CELF2: variants seen among roughly 807,000 people sequenced by gnomAD.
CELF2 encodes CUGBP Elav-like family member 2.
Under a neutral mutation model 62.6 loss-of-function variants are expected in CELF2, and 8 were observed. The observed-to-expected ratio is 0.13, with a 90% CI of 0.07 to 0.23. The LOEUF (loss-of-function observed/expected upper bound fraction) is 0.23, where lower values mean the gene tolerates loss of function less well. Ranked by LOEUF, CELF2 falls within the 10% of genes least tolerant of loss-of-function variation. CELF2 has a pLI of 1.00. For synonymous variants in CELF2, 258 were observed against 250.0 expected, an observed-to-expected ratio of 1.03 and a Z score of -0.30; for missense variants, 333 against 671.0, an observed-to-expected ratio of 0.50 and a Z score of 5.56.
intron 1 of CELF2, among the ~76,000 whole-genome samples, chr10:11,036,504 C>A (rs558952374): frequency 6.6e-6 from 1 of 152,338 alleles, no homozygotes; most frequent in East Asian, 1.9e-4. Context: ...GATTATTTCC[C>A]TAATCTTATC....
chr10:10,880,548 G>A (rs2061381101), intron 1 of CELF2, among the ~76,000 whole-genome samples: 1 of 152,078 alleles, frequency 6.6e-6, no homozygotes, highest in African/African-American at 2.4e-5. Flanking sequence ...GTGAGATTTG[G>A]GGTGTTACGG....
the CELF2 span, among the ~76,000 whole-genome samples, chr10:10,760,746 G>A: frequency 6.6e-6 from 1 of 152,150 alleles, no homozygotes; most frequent in African/African-American, 2.4e-5. Context: ...AAGGCCAACA[G>A]TGTTTCTCGC....
At chr10:10,561,559 G>A in the CELF2 span, among the ~76,000 whole-genome samples, 1 of 152,198 alleles carries the variant, frequency 6.6e-6, no homozygotes, top group Non-Finnish European at 1.5e-5. Context: ...GGATTTTGAT[G>A]AGTGCTAAGG....
chr10:10,506,853 C>G, the CELF2 span, among the ~76,000 whole-genome samples: 2,753 of 151,622 alleles, frequency 0.018, 44 homozygotes, highest in Non-Finnish European at 0.031. Flanking sequence ...TCAGTAAAGA[C>G]GGGGATTCCC....
At chr10:11,272,554 C>G (rs1051336205) in intron 7 of CELF2, among the ~76,000 whole-genome samples, 1 of 152,238 alleles carries the variant, frequency 6.6e-6, no homozygotes, top group Non-Finnish European at 1.5e-5. Context: ...CCACGGCTCA[C>G]AGAAATCTCC....
the CELF2 span, among the ~76,000 whole-genome samples, chr10:10,734,833 G>A: frequency 3.3e-5 from 5 of 152,094 alleles, no homozygotes; most frequent in East Asian, 5.8e-4. Context: ...CTGAAAGTCC[G>A]GCATCCTGAT....
At chr10:11,134,045 C>T (rs2060019952) in intron 1 of CELF2, among the ~76,000 whole-genome samples, 1 of 152,170 alleles carries the variant, frequency 6.6e-6, no homozygotes, top group Admixed American at 6.5e-5. Flanking sequence ...TTTGCATAGA[C>T]TGTAAATGAC....
chr10:10,662,296 G>A, the CELF2 span, among the ~76,000 whole-genome samples: 1 of 152,130 alleles, frequency 6.6e-6, no homozygotes, highest in Non-Finnish European at 1.5e-5. Flanking sequence ...CACCCTTCAG[G>A]GCTCAGATCC....
At chr10:11,251,565 C>T (rs1241257022) in intron 4 of CELF2, among the ~76,000 whole-genome samples, 1 of 152,128 alleles carries the variant, frequency 6.6e-6, no homozygotes, top group Non-Finnish European at 1.5e-5. Context: ...TTTCAAGCAG[C>T]AGCCTGGGGT....
Position 11,311,910 on chromosome 10 carries a change from C to T in CELF2, c.977-2229C>T, listed in dbSNP as rs930032108. On this transcript the variant is annotated intron_variant, in intron 9 of 12. Coordinates refer to ENST00000633077, the MANE Select transcript of CELF2 (RefSeq NM_001326342.2). The surrounding 1 kb of genome is among the most constrained non-coding windows in gnomAD (Gnocchi z 4.7). ...GCTAATAACCAAGAACTTTTCAGAA[C>T]TGATAAAAGGTAGAAACAAAAATCC... 3.3e-5 allele frequency among the ~76,000 whole-genome samples: 5 copies of T among 152,094 alleles called. No homozygotes were observed. Among genetic ancestry groups the T allele is most frequent in the African/African-American group, 9.7e-5 (4 of 41,408 alleles).
the CELF2 span, among the ~76,000 whole-genome samples, chr10:10,670,104 G>A: frequency 0.025 from 3,763 of 152,122 alleles, 136 homozygotes; most frequent in African/African-American, 0.085. Context: ...GTTTTGCCAT[G>A]TTGGTCTGGC....
intron 2 of CELF2, among the ~76,000 whole-genome samples, chr10:11,208,333 A>G (rs1224942732): frequency 6.6e-6 from 1 of 152,194 alleles, no homozygotes; most frequent in East Asian, 1.9e-4. Flanking sequence ...GGTTTCTGTG[A>G]CACAGGCGCC....
rs1417764792 is a variant in CELF2 at position 10,934,657 on chromosome 10, A to G, written c.89+14658A>G. ...AACAAAAACTAGGGATGTCTGGAGG[A>G]AGAGGCATTCATTGGAAATGCAGAG... On this transcript the variant is annotated intron_variant, in intron 2 of 13. Coordinates refer to the CELF2 transcript ENST00000636488. The surrounding 1 kb of genome is among the most constrained non-coding windows in gnomAD (Gnocchi z 4.4). The G allele has an allele frequency of 6.6e-6, 1 of 152,226 alleles. No homozygotes were observed. Among genetic ancestry groups the G allele is most frequent in the African/African-American group, 2.4e-5 (1 of 41,456 alleles). 9.4% of individuals were successfully genotyped at this position (152,226 alleles called of 1,614,324 possible).
chr10:10,820,588 A>G (rs1246521493), intron 1 of CELF2, among the ~76,000 whole-genome samples: 1 of 152,214 alleles, frequency 6.6e-6, no homozygotes, highest in Non-Finnish European at 1.5e-5. Flanking sequence ...AAATAAATAC[A>G]AAATCACACC....
the CELF2 span, among the ~76,000 whole-genome samples, chr10:10,474,375 A>G: frequency 3.9e-5 from 6 of 152,110 alleles, no homozygotes; most frequent in Admixed American, 2.0e-4. Flanking sequence ...TGTGAATGGT[A>G]GAAAAAGAGA....
chr10:11,107,160 A>T (rs2053724812), intron 1 of CELF2, among the ~76,000 whole-genome samples: 1 of 152,176 alleles, frequency 6.6e-6, no homozygotes, highest in Non-Finnish European at 1.5e-5. Context: ...CCCAGCAATA[A>T]GTGATTGGCG....
At chr10:10,493,608 T>C in the CELF2 span, among the ~76,000 whole-genome samples, 2,093 of 151,330 alleles carry the variant, frequency 0.014, 25 homozygotes, top group Middle Eastern at 0.051. Flanking sequence ...CTAGGCTCAC[T>C]GCAGCCTCCG....
rs531739910 is a variant in CELF2, at chr10:10,972,215, A to T, written c.89+52216A>T. ...CTCGCTACCTAGGTTATCCCAAAGCATGCACCAAAGAACACAACTTTTGAA... is the reference window on the plus strand; with the variant it reads ...CTCGCTACCTAGGTTATCCCAAAGCTTGCACCAAAGAACACAACTTTTGAA... On this transcript the variant is annotated intron_variant, in intron 2 of 13. Transcript: ENST00000636488. This position sits in a 1 kb window ranked among gnomAD's most constrained non-coding sequence, Gnocchi z 4.4. Among the ~76,000 whole-genome samples, 117 of 152,342 alleles carry T rather than the reference A, an allele frequency of 7.7e-4. 2 individuals carry two copies. Among genetic ancestry groups the T allele is most frequent in the Non-Finnish European group, 1.4e-3 (98 of 68,032 alleles).
At chr10:11,058,592 G>C (rs575513032) in intron 1 of CELF2, among the ~76,000 whole-genome samples, 1 of 148,526 alleles carries the variant, frequency 6.7e-6, no homozygotes, top group Non-Finnish European at 1.5e-5. Flanking sequence ...TCAGCCTCCC[G>C]AGTAGCTGGG....
Sources: allele counts gnomAD v4.1 joint callset (sites outside exome capture counted in the v4.1 genomes callset), GRCh38; gene constraint gnomAD v4.1.1; non-coding constraint Gnocchi (gnomAD v3.1); transcripts MANE v1.5; gene names NCBI Gene and HGNC (gene_info 2026-07-23, HGNC 2026-07-21).